Variants in DLGAP2 observed in about 807,000 individuals in gnomAD.
DLGAP2 encodes DLG associated protein 2.
A neutral mutation model predicts 100.3 loss-of-function variants in DLGAP2; 26 were observed. That is an observed-to-expected ratio of 0.26 (90% CI 0.19 to 0.36). The LOEUF (loss-of-function observed/expected upper bound fraction) is 0.36. Ranked by LOEUF, DLGAP2 falls within the 10% of genes least tolerant of loss-of-function variation. The pLI, the probability that DLGAP2 is intolerant of heterozygous loss-of-function variation, is 1.00. For synonymous variants in DLGAP2, 886 were observed against 630.1 expected, an observed-to-expected ratio of 1.41 and a Z score of -6.08; for missense variants, 1,858 against 1,453.2, an observed-to-expected ratio of 1.28 and a Z score of -4.53.
At chr8:1,440,794 C>T (rs571944429) in intron 3 of DLGAP2, among the ~76,000 whole-genome samples, 123 of 152,242 alleles carry the variant, frequency 8.1e-4, no homozygotes, top group Admixed American at 1.5e-3. Flanking sequence ...TGGGCACTGC[C>T]CAGCTTATGA....
chr8:1,547,793 C>T (rs1055141646), intron 4 of DLGAP2, among the ~76,000 whole-genome samples: 11 of 152,162 alleles, frequency 7.2e-5, no homozygotes. Flanking sequence ...CGGGATTCCT[C>T]TGGGGAAGGA....
At chr8:1,169,406 C>T (rs998524141) in intron 2 of DLGAP2, among the ~76,000 whole-genome samples, 5 of 152,086 alleles carry the variant, frequency 3.3e-5, no homozygotes, top group African/African-American at 1.2e-4. Context: ...TAGTTTTTTC[C>T]AATTCTGTGA....
chr8:1,192,822 C>A (rs1447143145), intron 2 of DLGAP2, among the ~76,000 whole-genome samples: 5 of 151,722 alleles, frequency 3.3e-5, no homozygotes, highest in African/African-American at 1.2e-4. Flanking sequence ...TCCCTCCCCA[C>A]TCCCCCCACC....
intron 13 of DLGAP2, among the ~76,000 whole-genome samples, chr8:1,692,847 C>T (rs1799287508): frequency 6.7e-6 from 1 of 150,258 alleles, no homozygotes; most frequent in Admixed American, 6.7e-5. Flanking sequence ...TATATATTTA[C>T]ATATACTTAC....
chr8:1,523,864 A>T (rs561974087), intron 4 of DLGAP2, among the ~76,000 whole-genome samples: 3 of 152,300 alleles, frequency 2.0e-5, no homozygotes, highest in South Asian at 4.1e-4. Flanking sequence ...TTCAGCTTCA[A>T]TTCAGTAACC....
intron 3 of DLGAP2, among the ~76,000 whole-genome samples, chr8:1,356,426 C>G (rs1271964609): frequency 2.0e-5 from 3 of 152,226 alleles, no homozygotes; most frequent in Non-Finnish European, 4.4e-5. Context: ...ACCACAAGCG[C>G]TTTCAGGGGA....
chr8:1,186,235 G>A lies in DLGAP2; in HGVS notation c.74-72616G>A, dbSNP rs115515080. Among the ~76,000 whole-genome samples, 1,023 of 152,374 alleles carry A rather than the reference G, an allele frequency of 6.7e-3. 7 individuals are homozygous for A. Among genetic ancestry groups the A allele is most frequent in the African/African-American group, 0.024 (982 of 41,590 alleles). ...GCTGCAGTCTGTGGTAGGTGCCCTA[G>A]CAGCAGCTATGCTGGAGTTACTAGA... On this transcript the variant is annotated intron_variant, in intron 2 of 14. Coordinates refer to ENST00000637795, the MANE Select transcript of DLGAP2 (RefSeq NM_001346810.2).
chr8:1,532,826 G>A (rs1801028582), intron 4 of DLGAP2, among the ~76,000 whole-genome samples: 3 of 152,112 alleles, frequency 2.0e-5, no homozygotes, highest in African/African-American at 7.2e-5. Context: ...CAATTTTAAG[G>A]AATTGAACTC....
chr8:1,216,709 A>C (rs1233197266), intron 2 of DLGAP2, among the ~76,000 whole-genome samples: 1 of 151,962 alleles, frequency 6.6e-6, no homozygotes, highest in Non-Finnish European at 1.5e-5. Flanking sequence ...ATCTCATATT[A>C]CCTAGCCCTC....
intron 1 of DLGAP2, among the ~76,000 whole-genome samples, chr8:905,552 G>T (rs1798361894): frequency 1.3e-5 from 2 of 152,158 alleles, no homozygotes; most frequent in Admixed American, 6.5e-5. Context: ...TGAGTCCAGG[G>T]ATGAGGTCTG....
At chr8:1,112,416 A>G (rs1309664664) in intron 2 of DLGAP2, among the ~76,000 whole-genome samples, 2 of 151,570 alleles carry the variant, frequency 1.3e-5, no homozygotes, top group South Asian at 2.1e-4. Context: ...AATTTTTTGT[A>G]TTTTTATTAG....
intron 1 of DLGAP2, among the ~76,000 whole-genome samples, chr8:838,998 T>C (rs1017545981): frequency 6.6e-6 from 1 of 152,194 alleles, no homozygotes; most frequent in African/African-American, 2.4e-5. Flanking sequence ...CCTGTTATTT[T>C]GTTAAATCAG....
At chr8:1,415,505 C>G (rs1796857883) in intron 3 of DLGAP2, among the ~76,000 whole-genome samples, 1 of 152,122 alleles carries the variant, frequency 6.6e-6, no homozygotes. Context: ...CTGTTCGCAC[C>G]TTTATGTCCA....
At chr8:1,570,158 T>C (rs576578998) in intron 6 of DLGAP2, among the ~76,000 whole-genome samples, 6 of 152,338 alleles carry the variant, frequency 3.9e-5, no homozygotes, top group Admixed American at 6.5e-5. Context: ...AAGCACATCA[T>C]AGGGACCTCA....
intron 2 of DLGAP2, among the ~76,000 whole-genome samples, chr8:910,171 A>T (rs1798456462): frequency 6.6e-6 from 1 of 152,232 alleles, no homozygotes; most frequent in Non-Finnish European, 1.5e-5. Flanking sequence ...ACCATGGCGG[A>T]TTCTGCATTA....
intron 2 of DLGAP2, among the ~76,000 whole-genome samples, chr8:945,124 C>T (rs1055784778): frequency 1.3e-5 from 2 of 152,210 alleles, no homozygotes; most frequent in African/African-American, 4.8e-5. Flanking sequence ...AATGAGGATT[C>T]AGTGCACAAA....
At chr8:884,329 CA>C (rs1262328253) in intron 1 of DLGAP2, among the ~76,000 whole-genome samples, 2 of 152,148 alleles carry the variant, frequency 1.3e-5, no homozygotes, top group African/African-American at 4.8e-5. Flanking sequence ...TAATAATTGC[CA>C]TTCTGACTGG....
chr8:860,941 A>T (rs1285901310), intron 1 of DLGAP2, among the ~76,000 whole-genome samples: 1 of 152,136 alleles, frequency 6.6e-6, no homozygotes, highest in Non-Finnish European at 1.5e-5. Context: ...GCTGCTCGTG[A>T]CCTGAAGGTG....
chr8:1,083,700 C>A (rs1265708817), intron 2 of DLGAP2, among the ~76,000 whole-genome samples: 1 of 152,092 alleles, frequency 6.6e-6, no homozygotes, highest in Non-Finnish European at 1.5e-5. Flanking sequence ...GCACACGGTT[C>A]CAAAGTAGAT....
Sources: gnomAD v4.1 joint callset for allele counts (sites outside exome capture counted in the v4.1 genomes callset) on GRCh38, gnomAD v4.1.1 for gene constraint, MANE v1.5 for transcripts, NCBI Gene and HGNC (gene_info 2026-07-23, HGNC 2026-07-21) for gene names.